The following SNX14 variants were observed in gnomAD, a reference collection of about 807,000 sequenced individuals.
SNX14 encodes the protein sorting nexin-14.
SNX14 carries 93 observed loss-of-function variants against 133.8 expected under a neutral mutation model. The ratio of observed to expected loss-of-function variants is 0.70; its 90% CI spans 0.59 to 0.83. The LOEUF is 0.83. Ranked by LOEUF, SNX14 falls within the 40% of genes least tolerant of loss-of-function variation. SNX14 has a pLI of 0.00. For missense variants in SNX14, 945 were observed against 1,094.9 expected, an observed-to-expected ratio of 0.86 and a Z score of 1.93; for synonymous variants, 368 against 365.6, an observed-to-expected ratio of 1.01 and a Z score of -0.07.
At chr6:85,572,520 T>C in intron 2 of SNX14, 146 bp from the exon 3 acceptor site, 1 of 642,270 alleles carries the variant, frequency 1.6e-6, no homozygotes, top group Admixed American at 3.1e-5. Flanking sequence ...AATCTTTCTT[T>C]GTAATACATA....
intron 18 of SNX14, among the ~76,000 whole-genome samples, chr6:85,530,616 GC>G (rs1779956797): frequency 6.7e-6 from 1 of 148,812 alleles, no homozygotes; most frequent in African/African-American, 2.5e-5. Flanking sequence ...TTGCACTCCA[GC>G]CTGGGCAACA....
intron 1 of SNX14, among the ~76,000 whole-genome samples, chr6:85,586,354 C>A (rs1800858312): frequency 6.6e-6 from 1 of 152,084 alleles, no homozygotes; most frequent in Non-Finnish European, 1.5e-5. Flanking sequence ...TAACACTTTA[C>A]AGAAAAAAAT....
At chr6:85,533,025 T>C (rs1288285274) in intron 18 of SNX14, among the ~76,000 whole-genome samples, 1 of 152,176 alleles carries the variant, frequency 6.6e-6, no homozygotes, top group Non-Finnish European at 1.5e-5. Context: ...TAGCCGGGAC[T>C]ACAGGCACGC....
intron 6 of SNX14, among the ~76,000 whole-genome samples, chr6:85,564,589 A>G (rs529032251): frequency 3.3e-5 from 5 of 152,348 alleles, no homozygotes; most frequent in African/African-American, 1.2e-4. Flanking sequence ...ACTAAGCATT[A>G]AAATGAAAGA....
At chr6:85,521,596 C>T (rs758832118) in intron 21 of SNX14, among the ~76,000 whole-genome samples, 7 of 152,206 alleles carry the variant, frequency 4.6e-5, no homozygotes, top group Non-Finnish European at 1.0e-4. Flanking sequence ...ATATTTCCTC[C>T]CATTCTACAG....
At chr6:85,515,976 A>G (rs1055661645) in intron 23 of SNX14, among the ~76,000 whole-genome samples, 11 of 152,192 alleles carry the variant, frequency 7.2e-5, no homozygotes, top group Non-Finnish European at 1.6e-4. Context: ...GACACAGAGC[A>G]AAGGGGCATT....
chr6:85,534,389 C>T (rs1781205065), intron 17 of SNX14, among the ~76,000 whole-genome samples: 2 of 152,192 alleles, frequency 1.3e-5, no homozygotes, highest in African/African-American at 4.8e-5. Context: ...CTAAACAAGA[C>T]AAAGAGGATT....
intron 1 of SNX14, among the ~76,000 whole-genome samples, chr6:85,582,204 A>T (rs961378711): frequency 6.6e-6 from 1 of 152,186 alleles, no homozygotes; most frequent in Non-Finnish European, 1.5e-5. Flanking sequence ...AAAGTGCATG[A>T]CATATTTAAA....
rs1360869358 is a variant in SNX14 at position 85,579,793 on chromosome 6, T to A, written c.141-5415A>T. Among the ~76,000 whole-genome samples the A allele has an allele frequency of 2.6e-5, 4 of 152,212 alleles. No homozygotes were observed. The East Asian group carries it at 7.7e-4, about 29-fold the overall frequency. On this transcript the variant is annotated intron_variant, in intron 1 of 28. Transcript: ENST00000314673. ...GGTTAAAGTGCTCTGAGTTCTTAAA[T>A]AAACTTGAAAGGTCTTAAGTAAACT...
Position 85,513,860 on chromosome 6 carries a change from G to C in SNX14, c.2593C>G (p.Leu865Val), listed in dbSNP as rs1230523492. The C allele has an allele frequency of 6.2e-7, 1 of 1,612,956 alleles. No homozygotes were observed. The highest frequency in any genetic ancestry group is 1.7e-5 in the Admixed American group (1 of 59,974). ...TTTGCTCCTTTTTGCTTATCTTGGA[G>C]AGAGCGAGGTTCAGTGTTTTCACAG... is the stretch of plus-strand genomic sequence containing the variant. ...IFCENTEPRS[L>V]QDKQKGAKQT... The change falls in exon 26 of 29, where the codon CTC (leucine) becomes GTC (valine). Residue 865 changes from leucine (L) to valine (V), a missense_variant. Leu to Val is a conservative substitution (Grantham distance 32). Around this residue, in one of 3 missense-constraint regions of SNX14, gnomAD observed 412 missense variants for 516.6 expected, o/e 0.80. Coordinates refer to ENST00000314673, the MANE Select transcript of SNX14 (RefSeq NM_153816.6).
chr6:85,565,107 T>TAACC (rs1249037647), intron 6 of SNX14, among the ~76,000 whole-genome samples: 1 of 92,278 alleles, frequency 1.1e-5, no homozygotes, highest in Non-Finnish European at 2.3e-5. Context: ...CATTTAAAAG[T>TAACC]AACTGAGTAT....
At chr6:85,565,555 T>A in intron 5 of SNX14, 136 bp from the exon 6 acceptor site, 1 of 606,612 alleles carries the variant, frequency 1.6e-6, no homozygotes, top group East Asian at 3.0e-5. Flanking sequence ...ATACATTTCA[T>A]TGCAGAAAAA....
intron 7 of SNX14, among the ~76,000 whole-genome samples, chr6:85,557,203 G>T (rs1385876294): frequency 2.0e-5 from 3 of 152,120 alleles, no homozygotes; most frequent in Non-Finnish European, 4.4e-5. Context: ...TGACAAAAAA[G>T]AATACCAAAT....
Position 85,547,491 on chromosome 6 carries a change from A to G in SNX14, c.912+15T>C, listed in dbSNP as rs1309215309. 1.2e-6 allele frequency: 2 copies of G among 1,605,814 alleles called. No homozygotes were observed. The highest frequency in any genetic ancestry group is 3.4e-5 in the Admixed American group (2 of 58,380). Reference sequence around the variant, plus strand: ...AATGCAATCTGAAGTGTTTTCTAATATATTCAATACTCACTGGACTGTCAT... The same window carrying G: ...AATGCAATCTGAAGTGTTTTCTAATGTATTCAATACTCACTGGACTGTCAT... On this transcript the variant is annotated intron_variant, in intron 10 of 28. Coordinates refer to ENST00000314673, the MANE Select transcript of SNX14 (RefSeq NM_153816.6).
intron 23 of SNX14, among the ~76,000 whole-genome samples, chr6:85,517,378 T>C (rs1775393583): frequency 6.6e-6 from 1 of 152,188 alleles, no homozygotes; most frequent in African/African-American, 2.4e-5. Context: ...GTTTGTTTAA[T>C]GAATGGATAA....
intron 7 of SNX14, 113 bp downstream of exon 7, chr6:85,557,863 G>C (rs557905220): frequency 1.5e-6 from 1 of 660,870 alleles, no homozygotes; most frequent in Non-Finnish European, 2.7e-6. Flanking sequence ...GAATACTCTC[G>C]CATCAACTGT....
At chr6:85,526,064 A>T in intron 21 of SNX14, 62 bp downstream of exon 21, 1 of 1,105,268 alleles carries the variant, frequency 9.0e-7, no homozygotes, top group Non-Finnish European at 1.3e-6. Context: ...TTTCTAAGTT[A>T]ATCTGAAAAT....
chr6:85,517,175 A>T (rs146432300), intron 23 of SNX14, among the ~76,000 whole-genome samples: 1 of 152,312 alleles, frequency 6.6e-6, no homozygotes, highest in East Asian at 1.9e-4. Flanking sequence ...TATACAAGTT[A>T]TAAAATGAAA....
chr6:85,525,827 T>C (rs1424893995), intron 21 of SNX14, among the ~76,000 whole-genome samples: 8 of 152,158 alleles, frequency 5.3e-5, no homozygotes, highest in Non-Finnish European at 7.4e-5. Context: ...AAAACACTGA[T>C]TCGCATATGC....
Sources: gnomAD v4.1 joint callset for allele counts (sites outside exome capture counted in the v4.1 genomes callset) on GRCh38, gnomAD v4.1.1 for gene constraint, gnomAD v4.1.1 regional missense constraint, MANE v1.5 for transcripts, NCBI Gene and HGNC (gene_info 2026-07-23, HGNC 2026-07-21) for gene names.